The following CR1 variants were observed in gnomAD, a reference collection of about 807,000 sequenced individuals.
CR1 encodes the protein complement receptor type 1.
In CR1, 116 loss-of-function variants were observed where a neutral mutation model predicts 187.3. The observed-to-expected ratio is 0.62, with a 90% CI of 0.53 to 0.72. The LOEUF (loss-of-function observed/expected upper bound fraction) is 0.72, where lower values mean the gene tolerates loss of function less well. CR1 is among the 30% of genes least tolerant of loss of function. CR1 has a pLI of 0.00. For missense variants in CR1, 1,731 were observed against 2,110.7 expected, an observed-to-expected ratio of 0.82 and a Z score of 3.52; for synonymous variants, 576 against 747.1, an observed-to-expected ratio of 0.77 and a Z score of 3.73.
At chr1:207,514,812 G>T (rs1659732151) in intron 4 of CR1, among the ~76,000 whole-genome samples, 1 of 151,846 alleles carries the variant, frequency 6.6e-6, no homozygotes, top group Admixed American at 6.6e-5. Context: ...CCAGCTGGTA[G>T]TGTTTCATAT....
intron 1 of CR1, 114 bp downstream of exon 1, chr1:207,496,502 C>A: frequency 9.0e-7 from 1 of 1,109,182 alleles, no homozygotes; most frequent in Non-Finnish European, 1.2e-6. Flanking sequence ...GGTCCGAAGG[C>A]AGCGCGATGG....
chr1:207,630,539 A>G lies in CR1; in HGVS notation c.7375A>G (p.Lys2459Glu), dbSNP rs1662608521. ...TAGCAATAATGCACATGAAAACCCTAAAGAAGTGGCTATCCATTTACATTC... is the reference window on the plus strand; with the variant it reads ...TAGCAATAATGCACATGAAAACCCTGAAGAAGTGGCTATCCATTTACATTC... Reference protein sequence around the residue: ...RKGNNAHENPKEVAIHLHSQG... With the variant: ...RKGNNAHENPEEVAIHLHSQG... Residue 2459 changes from lysine (K) to glutamate (E), a missense_variant, in exon 46 of 47, where the codon AAA becomes GAA. This residue lies in a region of CR1 where 1,312 missense variants were observed against 1,379.6 expected (regional missense o/e 0.95). Coordinates refer to ENST00000367049, the MANE Select transcript of CR1 (RefSeq NM_000651.6). 1 of 1,608,898 alleles carries G rather than the reference A, an allele frequency of 6.2e-7. No individual in the cohort carries two copies. The highest frequency in any genetic ancestry group is 1.1e-5 in the South Asian group (1 of 89,622).
rs1205844405 is a variant in CR1, at chr1:207,611,716, C to T, written c.6335C>T (p.Thr2112Ile). Residue 2112 changes from threonine (T) to isoleucine (I), a missense_variant, in exon 38 of 47, where the codon ACC becomes ATC. Transcript: ENST00000367049. ...CCAGAAATCCTGCATGGTGAGCATACCCTAAGCCATCAGGACAACTTTTCA... is the reference window on the plus strand; with the variant it reads ...CCAGAAATCCTGCATGGTGAGCATATCCTAAGCCATCAGGACAACTTTTCA... ...PPPEILHGEH[T>I]LSHQDNFSPG... 1 of 1,613,938 alleles carries T rather than the reference C, an allele frequency of 6.2e-7. No homozygotes were observed. Among genetic ancestry groups the T allele is most frequent in the Admixed American group, 1.7e-5 (1 of 60,014 alleles).
intron 28 of CR1, among the ~76,000 whole-genome samples, chr1:207,577,241 G>A (rs1660776563): frequency 6.8e-6 from 1 of 147,056 alleles, no homozygotes; most frequent in African/African-American, 2.5e-5. Context: ...ACAGAGTGAG[G>A]ATCTGTTAAA....
chr1:207,618,638 A>G (rs1039984057), intron 42 of CR1, among the ~76,000 whole-genome samples: 1 of 152,208 alleles, frequency 6.6e-6, no homozygotes, highest in African/African-American at 2.4e-5. Context: ...TAGGAAAAAA[A>G]TATTGTAGGC....
intron 33 of CR1, among the ~76,000 whole-genome samples, chr1:207,585,602 T>G (rs1437408122): frequency 7.2e-5 from 11 of 152,200 alleles, no homozygotes; most frequent in Non-Finnish European, 1.6e-4. Context: ...GGCACCAGCC[T>G]TGGAATATTC....
intron 3 of CR1, among the ~76,000 whole-genome samples, chr1:207,511,139 A>G (rs1412824550): frequency 6.6e-6 from 1 of 152,152 alleles, no homozygotes; most frequent in Non-Finnish European, 1.5e-5. Context: ...GCCTTCTTTA[A>G]TGAATCTTAT....
chr1:207,624,542 T>C (rs1057400401), intron 45 of CR1, among the ~76,000 whole-genome samples: 1 of 152,214 alleles, frequency 6.6e-6, no homozygotes, highest in Admixed American at 6.5e-5. Flanking sequence ...CAATATACTT[T>C]TTAAAAAGTA....
At chr1:207,617,490 T>TAC (rs1662143991) in intron 41 of CR1, among the ~76,000 whole-genome samples, 1 of 48,138 alleles carries the variant, frequency 2.1e-5, no homozygotes, top group African/African-American at 7.5e-5. Flanking sequence ...AAAGTATATA[T>TAC]ATATATATAT....
chr1:207,496,481 C>T, intron 1 of CR1, 93 bp downstream of exon 1: 1 of 1,318,680 alleles, frequency 7.6e-7, no homozygotes, highest in Non-Finnish European at 1.0e-6. Context: ...CTGCGCTGCT[C>T]TGCGCGCCCG....
intron 24 of CR1, among the ~76,000 whole-genome samples, chr1:207,567,055 C>T (rs1230634522): frequency 6.7e-6 from 1 of 150,174 alleles, no homozygotes; most frequent in Non-Finnish European, 1.5e-5. Context: ...TCTTATTTTT[C>T]ATAACTCTTG....
chr1:207,604,539 G>A (rs1661692044), intron 35 of CR1, among the ~76,000 whole-genome samples: 2 of 152,074 alleles, frequency 1.3e-5, no homozygotes, highest in Non-Finnish European at 2.9e-5. Flanking sequence ...TCAGATATTT[G>A]CCCTATCAAT....
At chr1:207,521,438 C>A (rs1659988903) in intron 4 of CR1, among the ~76,000 whole-genome samples, 1 of 151,944 alleles carries the variant, frequency 6.6e-6, no homozygotes, top group Non-Finnish European at 1.5e-5. Flanking sequence ...TGTATTTAGT[C>A]TGTATTTTTT....
In CR1 at chr1:207,609,615, C is replaced by G. The variant is rs1661856859; in HGVS notation, c.6222C>G (p.Val2074=). 2.5e-6 allele frequency: 4 copies of G among 1,611,646 alleles called. No individual in the cohort carries two copies. The highest frequency in any genetic ancestry group is 2.7e-5 in the African/African-American group (2 of 74,872). ...IIRFRCQPGF[V]MVGSHTVQCQ... ...GATTTAGATGTCAGCCCGGGTTTGT[C>G]ATGGTAGGGTCCCACACTGTGCAGT... Residue 2074 remains valine (V), a synonymous_variant, in exon 37 of 47, where the codon GTC becomes GTG. Coordinates refer to ENST00000367049, the MANE Select transcript of CR1 (RefSeq NM_000651.6).
In CR1 at chr1:207,577,835, C is replaced by T. The variant is rs1660804171; in HGVS notation, c.4568C>T (p.Ala1523Val). ...CCTTGTGGGCTACCCCCAACCATCG[C>T]CAATGGAGATTTCATTAGCACCAAC... ...RIPCGLPPTI[A>V]NGDFISTNRE... The change falls in exon 29 of 47, where the codon GCC (alanine) becomes GTC (valine). Residue 1523 changes from alanine to valine, a missense_variant. By Grantham distance (64) the Ala-to-Val change is moderately conservative. Transcript: ENST00000367049. The T allele has an allele frequency of 6.2e-7, 1 of 1,613,874 alleles. No homozygotes were observed. The highest frequency in any genetic ancestry group is 8.5e-7 in the Non-Finnish European group (1 of 1,179,868).
chr1:207,526,433 C>T (rs1331688581), intron 5 of CR1, among the ~76,000 whole-genome samples: 1 of 150,370 alleles, frequency 6.7e-6, no homozygotes, highest in Non-Finnish European at 1.5e-5. Context: ...TCATTCCTCC[C>T]AATTTTGTAC....
Position 207,580,362 on chromosome 1 carries a change from T to A in CR1, c.5059T>A (p.Ser1687Thr). The change falls in exon 30 of 47, where the codon TCT (serine) becomes ACT (threonine). Residue 1687 changes from serine to threonine, a missense_variant. Ser to Thr is a moderately conservative substitution (Grantham distance 58). Coordinates refer to ENST00000367049, the MANE Select transcript of CR1 (RefSeq NM_000651.6). The part of the protein sequence containing the change: ...EPGYDLRGAA[S>T]LHCTPQGDWS... ...TGGCTATGACCTCAGAGGGGCTGCG[T>A]CTCTGCACTGCACACCCCAGGGAGA... 1.2e-6 allele frequency: 2 copies of A among 1,613,936 alleles called. No individual in the cohort carries two copies. Among genetic ancestry groups the A allele is most frequent in the Non-Finnish European group, 1.7e-6 (2 of 1,179,870 alleles).
At chr1:207,577,419 C>T (rs1660786401) in intron 28 of CR1, among the ~76,000 whole-genome samples, 1 of 152,144 alleles carries the variant, frequency 6.6e-6, no homozygotes, top group Admixed American at 6.6e-5. Flanking sequence ...ATATTTACTT[C>T]TGGTAATTTG....
chr1:207,526,096 T>G (rs1660161485), intron 5 of CR1, among the ~76,000 whole-genome samples: 1 of 152,084 alleles, frequency 6.6e-6, no homozygotes, highest in Non-Finnish European at 1.5e-5. Context: ...TACACTCTCA[T>G]CATGGTGACA....
Sources: gnomAD v4.1 joint callset for allele counts (sites outside exome capture counted in the v4.1 genomes callset) on GRCh38, gnomAD v4.1.1 for gene constraint, gnomAD v4.1.1 regional missense constraint, MANE v1.5 for transcripts, NCBI Gene and HGNC (gene_info 2026-07-23, HGNC 2026-07-21) for gene names.